The following CKAP5 variants were observed in gnomAD, a reference collection of about 807,000 sequenced individuals.
CKAP5 encodes the protein cytoskeleton associated protein 5, also known as cytoskeleton-associated protein 5.
Under a neutral mutation model 232.8 loss-of-function variants are expected in CKAP5, and 27 were observed. The ratio of observed to expected loss-of-function variants is 0.12; its 90% CI spans 0.09 to 0.16. The LOEUF is 0.16. Among genes scored for constraint, CKAP5 ranks in the 10% least tolerant of loss-of-function variants. The probability of loss-of-function intolerance (pLI) is 1.00; values close to 1 mark genes in which losing one functional copy is unlikely to be tolerated. For missense variants in CKAP5, 1,838 were observed against 2,424.7 expected (o/e 0.76, Z 5.08); for synonymous variants, 785 against 841.1 (o/e 0.93, Z 1.16).
At chr11:46,810,261 C>T (rs1259309121) in intron 5 of CKAP5, among the ~76,000 whole-genome samples, 2 of 152,042 alleles carry the variant, frequency 1.3e-5, no homozygotes, top group Non-Finnish European at 2.9e-5. Context: ...TATAAGCCAC[C>T]GTGCCTGGCC....
chr11:46,804,733 T>C (rs1381045757), intron 8 of CKAP5, among the ~76,000 whole-genome samples: 1 of 151,446 alleles, frequency 6.6e-6, no homozygotes, highest in African/African-American at 2.4e-5. Flanking sequence ...AAACAAGCAA[T>C]AATTAAGGGG....
intron 35 of CKAP5, among the ~76,000 whole-genome samples, chr11:46,758,401 T>C (rs2065127151): frequency 6.6e-6 from 1 of 152,220 alleles, no homozygotes; most frequent in African/African-American, 2.4e-5. Flanking sequence ...ATTTACACAG[T>C]TGTTACAACT....
intron 6 of CKAP5, 96 bp from the exon 7 acceptor site, chr11:46,809,596 G>A (rs1939231580): frequency 1.5e-6 from 2 of 1,313,448 alleles, no homozygotes; most frequent in Non-Finnish European, 2.2e-6. Flanking sequence ...AATTTTAATA[G>A]AGAAGGGACC....
In CKAP5 at chr11:46,816,322, T is replaced by C. The variant is rs1332918791; in HGVS notation, c.334A>G (p.Ile112Val). ...KAKAKELGIE[I>V]CLMYIEIEKG... Reference sequence around the variant, plus strand: ...TCAATCTCTATGTACATAAGACAGATCTCTATGCCCAGCTCCTTGGCTTTA... The same window carrying C: ...TCAATCTCTATGTACATAAGACAGACCTCTATGCCCAGCTCCTTGGCTTTA... The change falls in exon 4 of 44, where the codon ATC (isoleucine) becomes GTC (valine). Residue 112 changes from isoleucine (I) to valine (V), a missense_variant. Ile to Val is a conservative substitution (Grantham distance 29). Coordinates refer to ENST00000529230, the MANE Select transcript of CKAP5 (RefSeq NM_001008938.4). The C allele has an allele frequency of 2.5e-6, 4 of 1,613,998 alleles. No homozygotes were observed. The highest frequency in any genetic ancestry group is 3.4e-6 in the Non-Finnish European group (4 of 1,180,012).
chr11:46,750,829 A>G (rs146599853), intron 40 of CKAP5, among the ~76,000 whole-genome samples: 2 of 152,334 alleles, frequency 1.3e-5, no homozygotes, highest in East Asian at 3.9e-4. Flanking sequence ...AACTTGATGG[A>G]GAAGGAACTG....
chr11:46,755,796 G>A (rs1450199849), intron 35 of CKAP5, among the ~76,000 whole-genome samples: 1 of 151,938 alleles, frequency 6.6e-6, no homozygotes, highest in Non-Finnish European at 1.5e-5. Flanking sequence ...TGGCATGGTG[G>A]TAGGCACCTG....
At chr11:46,838,873 T>C (rs1430276859) in intron 1 of CKAP5, among the ~76,000 whole-genome samples, 1 of 108,154 alleles carries the variant, frequency 9.2e-6, no homozygotes. Flanking sequence ...TAAAAAAAAA[T>C]AAATAAAGAC....
Position 46,808,048 on chromosome 11 carries a change from C to T in CKAP5, c.961G>A (p.Val321Ile). The change falls in exon 8 of 44, where the codon GTA becomes ATA. Residue 321 changes from valine to isoleucine, a missense_variant. Transcript: ENST00000529230. Reference sequence around the variant, plus strand: ...ATATTTACCTTCTTTAATGCTTTTACTAAATCTGCATAATCGCCAGCTTCC... The same window carrying T: ...ATATTTACCTTCTTTAATGCTTTTATTAAATCTGCATAATCGCCAGCTTCC... ...KLEAGDYADL[V>I]KALKKVVGKD... 6.2e-7 allele frequency: 1 copy of T among 1,613,468 alleles called. No individual in the cohort carries two copies. The highest frequency in any genetic ancestry group is 8.5e-7 in the Non-Finnish European group (1 of 1,179,492).
intron 8 of CKAP5, among the ~76,000 whole-genome samples, chr11:46,806,451 T>C (rs964252075): frequency 1.3e-5 from 2 of 152,242 alleles, no homozygotes; most frequent in African/African-American, 4.8e-5. Flanking sequence ...TCTCTTCATA[T>C]GCCACTGGAA....
rs1592453018 is a variant in CKAP5, at chr11:46,780,479, A to G, written c.2256T>C (p.Asn752=). 2 of 1,613,180 alleles carry G rather than the reference A, an allele frequency of 1.2e-6. No individual in the cohort carries two copies. Among genetic ancestry groups the G allele is most frequent in the Non-Finnish European group, 1.7e-6 (2 of 1,179,352 alleles). The change falls in exon 19 of 44, where the codon AAT becomes AAC. Residue 752 remains asparagine, a synonymous_variant. Transcript: ENST00000529230. ...TCACATTGCTAATGAAAGCTTTGAC[A>G]TTCAACCTAGAAGAAACATTTAGAA... ...AIKEFGFSGL[N]VKAFISNVKT... is the part of the protein sequence containing the mutation.
At chr11:46,748,502 T>C (rs1333167074) in intron 42 of CKAP5, among the ~76,000 whole-genome samples, 1 of 152,146 alleles carries the variant, frequency 6.6e-6, no homozygotes, top group African/African-American at 2.4e-5. Context: ...CGGCTGGGCA[T>C]GGTGGCTCAC....
In CKAP5 at chr11:46,753,441, T is replaced by G. The variant is rs1243470552; in HGVS notation, c.4926A>C (p.Leu1642=). 6.2e-7 allele frequency: 1 copy of G among 1,613,850 alleles called. No homozygotes were observed. Among genetic ancestry groups the G allele is most frequent in the East Asian group, 2.2e-5 (1 of 44,854 alleles). The change falls in exon 37 of 44, where the codon CTA becomes CTC. Residue 1642 remains leucine (L), a synonymous_variant. Transcript: ENST00000529230. ...GCATTAAGGTGATGAGGCCATGCATTAGGTCTTTTAGTACTCCAGTGGAGG... is the reference window on the plus strand; with the variant it reads ...GCATTAAGGTGATGAGGCCATGCATGAGGTCTTTTAGTACTCCAGTGGAGG... The part of the protein sequence containing the change: ...REASTGVLKD[L]MHGLITLMLD...
chr11:46,816,381 C>A lies in CKAP5; in HGVS notation c.275G>T (p.Gly92Val), dbSNP rs200414400. Residue 92 changes from glycine to valine, a missense_variant, in exon 4 of 44, where the codon GGT becomes GTT. By Grantham distance (109) the Gly-to-Val change is moderately radical. Around this residue, in one of 6 missense-constraint regions of CKAP5, gnomAD observed 285 missense variants for 300.0 expected, o/e 0.95. Transcript: ENST00000529230. Reference sequence around the variant, plus strand: ...TTGATTGAACACCTTACTTACAACACCTGACACAACTTCTCCTGTGGTTCT... The same window carrying A: ...TTGATTGAACACCTTACTTACAACAACTGACACAACTTCTCCTGTGGTTCT... ...AGKTTGEVVS[G>V]VVSKVFNQPK... The A allele has an allele frequency of 2.2e-4, 354 of 1,613,890 alleles. 1 individual carries two copies. The highest frequency in any genetic ancestry group is 1.7e-4 in the Middle Eastern group (1 of 6,006).
intron 4 of CKAP5, among the ~76,000 whole-genome samples, chr11:46,814,566 C>T (rs1939355896): frequency 6.6e-6 from 1 of 152,182 alleles, no homozygotes; most frequent in Non-Finnish European, 1.5e-5. Context: ...GATTTTACTA[C>T]AGCTGCTTTC....
intron 1 of CKAP5, among the ~76,000 whole-genome samples, chr11:46,840,852 T>G (rs1592495107): frequency 6.6e-6 from 1 of 152,158 alleles, no homozygotes; most frequent in African/African-American, 2.4e-5. Flanking sequence ...CCCATTTTTA[T>G]AGTCAGCCTA....
At chr11:46,762,591 A>G in intron 31 of CKAP5, 36 bp downstream of exon 31, 1 of 1,611,320 alleles carries the variant, frequency 6.2e-7, no homozygotes, top group Non-Finnish European at 8.5e-7. Context: ...CTACTGCTGC[A>G]GAGATTCACA....
intron 1 of CKAP5, among the ~76,000 whole-genome samples, chr11:46,840,220 T>C (rs1940018287): frequency 1.3e-5 from 2 of 152,206 alleles, no homozygotes; most frequent in Non-Finnish European, 1.5e-5. Context: ...TCTGGGCATG[T>C]ATTTTATTCA....
chr11:46,841,421 C>T (rs1378919851), intron 1 of CKAP5, among the ~76,000 whole-genome samples: 1 of 152,106 alleles, frequency 6.6e-6, no homozygotes, highest in African/African-American at 2.4e-5. Flanking sequence ...ATAAGATAAA[C>T]TTATTAAAGT....
chr11:46,819,235 A>G (rs1204646062), intron 2 of CKAP5, among the ~76,000 whole-genome samples: 1 of 152,168 alleles, frequency 6.6e-6, no homozygotes, highest in Non-Finnish European at 1.5e-5. Context: ...GGAACTAATC[A>G]GGAAAGAGTG....
Sources: gnomAD v4.1 joint callset for allele counts (sites outside exome capture counted in the v4.1 genomes callset) on GRCh38, gnomAD v4.1.1 for gene constraint, gnomAD v4.1.1 regional missense constraint, MANE v1.5 for transcripts, NCBI Gene and HGNC (gene_info 2026-07-23, HGNC 2026-07-21) for gene names.